KIAA0232: variants seen among roughly 807,000 people sequenced by gnomAD.
The protein encoded by KIAA0232 is KIAA0232.
KIAA0232 carries 27 observed loss-of-function variants against 122.0 expected under a neutral mutation model. The observed-to-expected ratio is 0.22, with a 90% CI of 0.16 to 0.31. The LOEUF (loss-of-function observed/expected upper bound fraction) is 0.31, where lower values mean the gene tolerates loss of function less well. KIAA0232 is among the 10% of genes least tolerant of loss of function. The probability of loss-of-function intolerance (pLI) is 1.00; values close to 1 mark genes in which losing one functional copy is unlikely to be tolerated. For synonymous variants in KIAA0232, 613 were observed against 587.6 expected (o/e 1.04, Z -0.63); for missense variants, 1,551 against 1,634.2 (o/e 0.95, Z 0.88).
At chr4:6,866,282 G>A (rs1407482826) in intron 7 of KIAA0232, 9 of 962,050 alleles carry the variant, frequency 9.4e-6, no homozygotes, top group African/African-American at 1.8e-5. Flanking sequence ...ATGTATTTAT[G>A]TGTTATCAGA....
chr4:6,804,868 A>G (rs898911693), intron 2 of KIAA0232, among the ~76,000 whole-genome samples: 9 of 152,132 alleles, frequency 5.9e-5, no homozygotes, highest in Non-Finnish European at 1.2e-4. Flanking sequence ...CTTGGAGAAA[A>G]TTCTTTCTGA....
At chr4:6,846,776 C>G (rs1031386688) in intron 4 of KIAA0232, among the ~76,000 whole-genome samples, 1 of 151,978 alleles carries the variant, frequency 6.6e-6, no homozygotes, top group African/African-American at 2.4e-5. Context: ...TGTCTATTGG[C>G]TTCAATGGAA....
In KIAA0232 at chr4:6,863,403, TG is replaced by T; in HGVS notation, c.3024del (p.Leu1009Ter). The T allele has an allele frequency of 6.2e-7, 1 of 1,613,900 alleles. No individual in the cohort carries two copies. Among genetic ancestry groups the T allele is most frequent in the Non-Finnish European group, 8.5e-7 (1 of 1,179,970 alleles). ...ATGATCAGCCGAAGAGTGGGGAAAA[TG>T]GGTTAAATAAGGGATTTTCTTTTAT... ...QNDQPKSGEN[G>X]LNKGFSFIFH... is the part of the protein sequence containing the mutation. On this transcript the variant is annotated frameshift_variant, in exon 7 of 10. Coordinates refer to ENST00000307659, the MANE Select transcript of KIAA0232 (RefSeq NM_014743.3). LOFTEE classifies it high-confidence loss of function.
chr4:6,872,939 C>T (rs1437635918), intron 8 of KIAA0232, among the ~76,000 whole-genome samples: 1 of 152,244 alleles, frequency 6.6e-6, no homozygotes, highest in African/African-American at 2.4e-5. Flanking sequence ...TAGCCACAGA[C>T]AGCTTCCCAG....
intron 2 of KIAA0232, among the ~76,000 whole-genome samples, chr4:6,817,333 C>T (rs1718179840): frequency 1.3e-5 from 2 of 152,184 alleles, no homozygotes; most frequent in Admixed American, 6.5e-5. Flanking sequence ...TCTTTCACCT[C>T]AGCCTCCCAA....
intron 3 of KIAA0232, among the ~76,000 whole-genome samples, chr4:6,827,946 A>AT (rs1466361467): frequency 2.0e-5 from 3 of 152,048 alleles, no homozygotes; most frequent in Non-Finnish European, 4.4e-5. Context: ...AAATCACTAC[A>AT]TATCACTTTT....
intron 2 of KIAA0232, among the ~76,000 whole-genome samples, chr4:6,820,503 A>G (rs1718370412): frequency 1.3e-5 from 2 of 152,184 alleles, no homozygotes; most frequent in South Asian, 2.1e-4. Flanking sequence ...TACATTCATT[A>G]TTATTAACAG....
intron 7 of KIAA0232, chr4:6,866,195 G>C: frequency 1.0e-6 from 1 of 981,382 alleles, no homozygotes; most frequent in African/African-American, 1.7e-5. Flanking sequence ...GTTCCAGATT[G>C]GGAAGAAAGA....
At chr4:6,815,921 C>T (rs1428579027) in intron 2 of KIAA0232, among the ~76,000 whole-genome samples, 1 of 152,148 alleles carries the variant, frequency 6.6e-6, no homozygotes, top group Non-Finnish European at 1.5e-5. Flanking sequence ...GTCTCACCTC[C>T]TTGAATCCTT....
At chr4:6,839,264 G>A (rs895432548) in intron 3 of KIAA0232, among the ~76,000 whole-genome samples, 2 of 152,136 alleles carry the variant, frequency 1.3e-5, no homozygotes, top group Non-Finnish European at 2.9e-5. Context: ...TTTTGCATTA[G>A]CACTTACGTT....
chr4:6,805,509 A>G (rs554297598), intron 2 of KIAA0232, among the ~76,000 whole-genome samples: 25 of 152,282 alleles, frequency 1.6e-4, no homozygotes, highest in Middle Eastern at 3.4e-3. Context: ...CTTTTATAGT[A>G]ATTTTAAAAA....
intron 4 of KIAA0232, among the ~76,000 whole-genome samples, chr4:6,842,879 G>T (rs556211734): frequency 3.2e-4 from 49 of 152,216 alleles, no homozygotes; most frequent in African/African-American, 1.1e-3. Flanking sequence ...ATGAGCCATC[G>T]CGCCCGGCCC....
chr4:6,872,944 TC>T (rs1394378073), intron 8 of KIAA0232, among the ~76,000 whole-genome samples: 2 of 152,228 alleles, frequency 1.3e-5, no homozygotes, highest in Non-Finnish European at 2.9e-5. Flanking sequence ...ACAGACAGCT[TC>T]CCAGGACCCT....
intron 1 of KIAA0232, among the ~76,000 whole-genome samples, chr4:6,795,477 A>G (rs1717092475): frequency 6.6e-6 from 1 of 152,226 alleles, no homozygotes; most frequent in Non-Finnish European, 1.5e-5. Context: ...AATGTAACAT[A>G]TATCATTAAT....
At chr4:6,879,285 A>T (rs1181211938) in intron 9 of KIAA0232, among the ~76,000 whole-genome samples, 2 of 152,080 alleles carry the variant, frequency 1.3e-5, no homozygotes, top group African/African-American at 4.8e-5. Context: ...TGTTCTGCAA[A>T]ATAGGAAAGT....
At chr4:6,792,155 A>C (rs1716925179) in intron 1 of KIAA0232, among the ~76,000 whole-genome samples, 1 of 152,160 alleles carries the variant, frequency 6.6e-6, no homozygotes, top group South Asian at 2.1e-4. Context: ...CTTTATCAGC[A>C]TTGCAAAAAC....
At chr4:6,847,499 C>T (rs1720029062) in intron 4 of KIAA0232, among the ~76,000 whole-genome samples, 1 of 152,166 alleles carries the variant, frequency 6.6e-6, no homozygotes, top group Non-Finnish European at 1.5e-5. Flanking sequence ...TTGGCTGTCC[C>T]TGTGTAAAAG....
At chr4:6,828,421 C>G (rs1718807909) in intron 3 of KIAA0232, among the ~76,000 whole-genome samples, 1 of 152,114 alleles carries the variant, frequency 6.6e-6, no homozygotes, top group Non-Finnish European at 1.5e-5. Flanking sequence ...AATTTCAGAC[C>G]TCACTAACAG....
intron 7 of KIAA0232, among the ~76,000 whole-genome samples, chr4:6,870,952 C>A (rs1721448299): frequency 6.6e-6 from 1 of 152,284 alleles, no homozygotes; most frequent in South Asian, 2.1e-4. Context: ...CCTGTATGCA[C>A]TTGGGGAATC....
Sources: allele counts gnomAD v4.1 joint callset (sites outside exome capture counted in the v4.1 genomes callset), GRCh38; gene constraint gnomAD v4.1.1; transcripts MANE v1.5; gene names NCBI Gene and HGNC (gene_info 2026-07-23, HGNC 2026-07-21).